Variants in KIF6 observed in about 807,000 individuals in gnomAD.
KIF6 encodes the protein kinesin family member 6.
KIF6 carries 106 observed loss-of-function variants against 112.7 expected under a neutral mutation model. That is an observed-to-expected ratio of 0.94 (90% confidence interval 0.80 to 1.11). The LOEUF is 1.11. Among genes scored for constraint, KIF6 ranks in the 50% least tolerant of loss-of-function variants. The pLI, the probability that KIF6 is intolerant of heterozygous loss-of-function variation, is 0.00. For synonymous variants in KIF6, 339 were observed against 339.9 expected (o/e 1.00, Z 0.03); for missense variants, 929 against 964.0 (o/e 0.96, Z 0.48).
chr6:39,525,290 T>TG (rs1450741929), intron 13 of KIF6, among the ~76,000 whole-genome samples: 2 of 152,172 alleles, frequency 1.3e-5, no homozygotes, highest in Non-Finnish European at 2.9e-5. Flanking sequence ...ACCACAGGCA[T>TG]GCACCATCAT....
intron 7 of KIF6, among the ~76,000 whole-genome samples, chr6:39,590,453 T>A (rs867274157): frequency 0.061 from 7,057 of 115,440 alleles, 152 homozygotes; most frequent in South Asian, 0.12. Context: ...ATATATATAT[T>A]TTTTTTTTTT....
At chr6:39,461,186 G>C (rs1773450110) in intron 13 of KIF6, among the ~76,000 whole-genome samples, 1 of 152,136 alleles carries the variant, frequency 6.6e-6, no homozygotes, top group African/African-American at 2.4e-5. Flanking sequence ...ATAACAATGA[G>C]AGTAAAGTTA....
intron 3 of KIF6, among the ~76,000 whole-genome samples, chr6:39,703,551 A>G (rs1789008993): frequency 6.6e-6 from 1 of 152,248 alleles, no homozygotes; most frequent in African/African-American, 2.4e-5. Context: ...TTATCAATTA[A>G]TAAGTAAATT....
intron 13 of KIF6, among the ~76,000 whole-genome samples, chr6:39,463,658 A>G (rs1773616394): frequency 3.3e-5 from 5 of 152,264 alleles, no homozygotes. Flanking sequence ...AAATAATTGT[A>G]TGATGTCCCA....
intron 14 of KIF6, among the ~76,000 whole-genome samples, chr6:39,425,363 T>G (rs1770692091): frequency 6.6e-6 from 1 of 152,216 alleles, no homozygotes; most frequent in Admixed American, 6.5e-5. Flanking sequence ...ATTTTGCCAT[T>G]TTTTTCCTCC....
intron 3 of KIF6, among the ~76,000 whole-genome samples, chr6:39,648,781 A>T (rs1224974271): frequency 2.0e-5 from 3 of 152,168 alleles, no homozygotes; most frequent in Non-Finnish European, 4.4e-5. Flanking sequence ...TGTGTAGGCC[A>T]CTGTGAAGCA....
intron 15 of KIF6, among the ~76,000 whole-genome samples, chr6:39,394,906 C>T (rs1420582074): frequency 2.0e-5 from 3 of 152,210 alleles, no homozygotes; most frequent in African/African-American, 4.8e-5. Flanking sequence ...GATTTCCCCC[C>T]GTGGGGATTT....
chr6:39,603,659 T>G (rs1454558557), intron 6 of KIF6, among the ~76,000 whole-genome samples: 1 of 152,060 alleles, frequency 6.6e-6, no homozygotes, highest in Non-Finnish European at 1.5e-5. Context: ...AAATATAATT[T>G]CTTGAGGTTT....
At chr6:39,517,944 C>T (rs6928195) in intron 13 of KIF6, among the ~76,000 whole-genome samples, 34,621 of 152,028 alleles carry the variant, frequency 0.23, 4,750 homozygotes, top group African/African-American at 0.37. Flanking sequence ...TCCATTATGT[C>T]ATACATACCA....
intron 3 of KIF6, among the ~76,000 whole-genome samples, chr6:39,672,112 G>T (rs1444986023): frequency 6.6e-6 from 1 of 152,162 alleles, no homozygotes. Flanking sequence ...TTAGATGTTT[G>T]GTGATAGTTC....
In KIF6 at chr6:39,431,047, C is replaced by T. The variant is rs777486995; in HGVS notation, c.1754+6G>A. On this transcript the variant is annotated splice_donor_region_variant and intron_variant, in intron 14 of 22. Transcript: ENST00000287152. The stretch of plus-strand genomic sequence containing the variant: ...GAGGACCAGCTGCTCTCTGAGACAG[C>T]CTTACCTCTGTTTCAGAATCTGTTT... 1.3e-6 allele frequency: 2 copies of T among 1,589,072 alleles called. No homozygotes were observed. Among genetic ancestry groups the T allele is most frequent in the East Asian group, 2.2e-5 (1 of 44,646 alleles).
intron 3 of KIF6, among the ~76,000 whole-genome samples, chr6:39,677,380 A>T (rs1467618292): frequency 6.6e-6 from 1 of 152,138 alleles, no homozygotes; most frequent in East Asian, 1.9e-4. Context: ...GTTCTTGATA[A>T]ATCAAACAGA....
intron 10 of KIF6, among the ~76,000 whole-genome samples, chr6:39,577,745 T>A (rs1442055193): frequency 6.6e-6 from 1 of 152,002 alleles, no homozygotes; most frequent in Non-Finnish European, 1.5e-5. Context: ...AGCTCAAGAG[T>A]GTTTGGTGTG....
chr6:39,367,597 C>T (rs376791464), intron 16 of KIF6, among the ~76,000 whole-genome samples: 33 of 152,204 alleles, frequency 2.2e-4, no homozygotes, highest in South Asian at 2.1e-3. Flanking sequence ...GACGCACAGA[C>T]GCACAGTCCC....
intron 19 of KIF6, among the ~76,000 whole-genome samples, chr6:39,352,606 C>CT (rs34771617): frequency 0.11 from 15,597 of 140,728 alleles, 2,652 homozygotes; most frequent in African/African-American, 0.37. Context: ...CCTGATAGCT[C>CT]TTTTTTTTTT....
At chr6:39,675,503 A>C (rs932378946) in intron 3 of KIF6, among the ~76,000 whole-genome samples, 1 of 152,136 alleles carries the variant, frequency 6.6e-6, no homozygotes, top group Non-Finnish European at 1.5e-5. Context: ...AGCAAAAATA[A>C]ATCTACTCTA....
At chr6:39,536,906 T>G (rs1231749517) in intron 13 of KIF6, among the ~76,000 whole-genome samples, 4 of 152,176 alleles carry the variant, frequency 2.6e-5, no homozygotes, top group Non-Finnish European at 4.4e-5. Context: ...CAAGGCTGGT[T>G]CAATATATGC....
intron 15 of KIF6, among the ~76,000 whole-genome samples, chr6:39,413,252 G>C (rs893135497): frequency 2.0e-5 from 3 of 152,070 alleles, no homozygotes; most frequent in African/African-American, 7.2e-5. Flanking sequence ...AAGTCTAACT[G>C]TTGTCTTTTC....
intron 15 of KIF6, among the ~76,000 whole-genome samples, chr6:39,410,873 G>A (rs1309260325): frequency 6.6e-6 from 1 of 152,160 alleles, no homozygotes; most frequent in Non-Finnish European, 1.5e-5. Context: ...AAAAGAGAGA[G>A]CTTCCTCCCC....
Sources: gnomAD v4.1 joint callset for allele counts (sites outside exome capture counted in the v4.1 genomes callset) on GRCh38, gnomAD v4.1.1 for gene constraint, MANE v1.5 for transcripts, NCBI Gene and HGNC (gene_info 2026-07-23, HGNC 2026-07-21) for gene names.